FYN: variants seen among roughly 807,000 people sequenced by gnomAD.
The protein encoded by FYN is FYN proto-oncogene, Src family tyrosine kinase.
Under a neutral mutation model 70.2 loss-of-function variants are expected in FYN, and 10 were observed. The observed-to-expected ratio is 0.14, with a 90% CI of 0.09 to 0.24. The LOEUF (loss-of-function observed/expected upper bound fraction) is 0.24, where lower values mean the gene tolerates loss of function less well. Among genes scored for constraint, FYN ranks in the 10% least tolerant of loss-of-function variants. The pLI is 1.00. For missense variants in FYN, 319 were observed against 673.1 expected, an observed-to-expected ratio of 0.47 and a Z score of 5.82; for synonymous variants, 236 against 248.6, an observed-to-expected ratio of 0.95 and a Z score of 0.48.
intron 2 of FYN, among the ~76,000 whole-genome samples, chr6:111,828,771 T>C (rs1456804368): frequency 6.6e-6 from 1 of 152,214 alleles, no homozygotes; most frequent in Non-Finnish European, 1.5e-5. Context: ...TCCGGAGTTG[T>C]TGTTTAAGAG....
chr6:111,704,613 G>C (rs1799988533), intron 6 of FYN, among the ~76,000 whole-genome samples: 1 of 152,048 alleles, frequency 6.6e-6, no homozygotes, highest in Non-Finnish European at 1.5e-5. Flanking sequence ...AATTAGCTTG[G>C]TGTGGTGGTG....
intron 2 of FYN, among the ~76,000 whole-genome samples, chr6:111,783,452 C>A (rs1385569757): frequency 1.3e-5 from 2 of 152,074 alleles, no homozygotes; most frequent in African/African-American, 4.8e-5. Context: ...TGAGACACAC[C>A]AGATATATGG....
rs1441074498 is a variant in FYN, at chr6:111,694,136, A to C, written c.1273+239T>G. On this transcript the variant is annotated intron_variant, in intron 12 of 13. Coordinates refer to ENST00000354650, the MANE Select transcript of FYN (RefSeq NM_002037.5). The surrounding 1 kb of genome is among the most constrained non-coding windows in gnomAD (Gnocchi z 5.0). ...CATGAGCCAAGAGGACCACAGCAGC[A>C]AATACCAATACCCACCCACCCACCA... Among the ~76,000 whole-genome samples the C allele has an allele frequency of 6.6e-6, 1 of 152,156 alleles. No homozygotes were observed. The highest frequency in any genetic ancestry group is 1.5e-5 in the Non-Finnish European group (1 of 68,030).
At chr6:111,717,554 C>T (rs541344204) in intron 4 of FYN, among the ~76,000 whole-genome samples, 1 of 152,124 alleles carries the variant, frequency 6.6e-6, no homozygotes, top group East Asian at 1.9e-4. Context: ...CTCCGCCTCC[C>T]GGGTTTAAGC....
intron 13 of FYN, among the ~76,000 whole-genome samples, chr6:111,663,765 T>C (rs1457134474): frequency 6.6e-6 from 1 of 152,154 alleles, no homozygotes; most frequent in African/African-American, 2.4e-5. Context: ...CTCAGTTGCA[T>C]GGGAGGAGTG....
intron 1 of FYN, among the ~76,000 whole-genome samples, chr6:111,855,984 A>G (rs77631019): frequency 0.043 from 6,619 of 152,300 alleles, 306 homozygotes; most frequent in African/African-American, 0.12. Flanking sequence ...TGGAATGCCT[A>G]GTTTTAACTG....
At chr6:111,685,083 T>C (rs564437402) in intron 12 of FYN, among the ~76,000 whole-genome samples, 1 of 152,362 alleles carries the variant, frequency 6.6e-6, no homozygotes, top group East Asian at 1.9e-4. Context: ...GCATAAACGC[T>C]ATGTTTGCGG....
intron 9 of FYN, among the ~76,000 whole-genome samples, chr6:111,697,170 T>C (rs966734815): frequency 8.6e-5 from 13 of 150,876 alleles, no homozygotes; most frequent in African/African-American, 2.5e-5. Flanking sequence ...AAATTTAGCA[T>C]GTTAAAAAAA....
At chr6:111,708,501 C>T (rs1007693629) in intron 5 of FYN, among the ~76,000 whole-genome samples, 4 of 152,146 alleles carry the variant, frequency 2.6e-5, no homozygotes. Flanking sequence ...GAAATGTTAA[C>T]ATCTTAACAT....
intron 1 of FYN, among the ~76,000 whole-genome samples, chr6:111,860,460 T>TG (rs1218532000): frequency 2.0e-5 from 3 of 152,100 alleles, no homozygotes; most frequent in Non-Finnish European, 2.9e-5. Context: ...GTTCTGGGGA[T>TG]GGGGGCCAGG....
chr6:111,742,863 G>A (rs1217458752), intron 3 of FYN, among the ~76,000 whole-genome samples: 6 of 152,186 alleles, frequency 3.9e-5, no homozygotes, highest in South Asian at 2.1e-4. Context: ...ACAAATACCC[G>A]TGCAACCAAT....
At chr6:111,759,274 C>T (rs1802895872) in intron 3 of FYN, 1 of 152,158 alleles carries the variant, frequency 6.6e-6, no homozygotes, top group Non-Finnish European at 1.5e-5. Context: ...GTTCTCAAAA[C>T]CAGAACATAG....
intron 3 of FYN, among the ~76,000 whole-genome samples, chr6:111,736,834 T>G (rs927447780): frequency 6.6e-5 from 10 of 152,218 alleles, no homozygotes; most frequent in African/African-American, 2.4e-4. Flanking sequence ...GCTTCTCTCT[T>G]AAGACTTGTA....
In FYN at chr6:111,822,611, C is replaced by A. The variant is rs565048856; in HGVS notation, c.-82+23978G>T. ...AACCTGCACGTTGTGCACATGTACC[C>A]TAGAACTTAAAGTATTATATATATA... On this transcript the variant is annotated intron_variant, in intron 2 of 13. Transcript: ENST00000354650. Among the ~76,000 whole-genome samples the A allele has an allele frequency of 2.7e-5, 4 of 150,890 alleles. No individual in the cohort carries two copies. In the South Asian group the frequency reaches 6.3e-4, roughly 24 times the overall value.
chr6:111,793,735 T>C (rs920168478), intron 2 of FYN: 14 of 152,566 alleles, frequency 9.2e-5, no homozygotes, highest in African/African-American at 2.9e-4. Context: ...ACCTCCGGCT[T>C]CTGCTAGGTC....
At chr6:111,702,741 C>G in intron 8 of FYN, 144 bp downstream of exon 8, 1 of 679,108 alleles carries the variant, frequency 1.5e-6, no homozygotes, top group Non-Finnish European at 2.4e-6. Flanking sequence ...ACAGCCAAGC[C>G]CTACCATTAA....
At chr6:111,854,572 G>A (rs1326172592) in intron 1 of FYN, among the ~76,000 whole-genome samples, 1 of 152,168 alleles carries the variant, frequency 6.6e-6, no homozygotes, top group East Asian at 1.9e-4. Flanking sequence ...TGAAATATTC[G>A]CAGGAAACAG....
intron 3 of FYN, among the ~76,000 whole-genome samples, chr6:111,725,361 C>G (rs1430069369): frequency 6.6e-6 from 1 of 152,224 alleles, no homozygotes; most frequent in Non-Finnish European, 1.5e-5. Context: ...TTTCCCAGCA[C>G]CTTTCAATCC....
chr6:111,758,278 A>C (rs960163807), intron 3 of FYN, among the ~76,000 whole-genome samples: 3 of 152,230 alleles, frequency 2.0e-5, no homozygotes, highest in Non-Finnish European at 4.4e-5. Flanking sequence ...TAGGATATAA[A>C]ACATTAAGTC....
Sources: gnomAD v4.1 joint callset for allele counts (sites outside exome capture counted in the v4.1 genomes callset) on GRCh38, gnomAD v4.1.1 for gene constraint, Gnocchi (gnomAD v3.1) non-coding constraint, MANE v1.5 for transcripts, NCBI Gene and HGNC (gene_info 2026-07-23, HGNC 2026-07-21) for gene names.